KIAA1217: variants seen among roughly 807,000 people sequenced by gnomAD.
The protein encoded by KIAA1217 is sickle tail protein homolog.
In KIAA1217, 88 loss-of-function variants were observed where a neutral mutation model predicts 163.9. The observed-to-expected ratio is 0.54, with a 90% CI of 0.45 to 0.64. KIAA1217 has a LOEUF of 0.64. Ranked by LOEUF, KIAA1217 falls within the 30% of genes least tolerant of loss-of-function variation. The probability of loss-of-function intolerance (pLI) is 0.00; values close to 1 mark genes in which losing one functional copy is unlikely to be tolerated. For missense variants in KIAA1217, 2,372 were observed against 2,475.0 expected (o/e 0.96, Z 0.88); for synonymous variants, 903 against 923.1 (o/e 0.98, Z 0.39).
At chr10:23,871,898 C>T (rs982026725) in intron 1 of KIAA1217, among the ~76,000 whole-genome samples, 1 of 152,098 alleles carries the variant, frequency 6.6e-6, no homozygotes, top group Non-Finnish European at 1.5e-5. Context: ...CATAGAGTGT[C>T]ACCCACATGC....
chr10:23,844,664 G>A (rs928142159), intron 1 of KIAA1217, among the ~76,000 whole-genome samples: 16 of 150,478 alleles, frequency 1.1e-4, no homozygotes, highest in South Asian at 6.3e-4. Context: ...GCACATCAAT[G>A]TTGGAGTCCC....
chr10:24,527,433 A>C, intron 13 of KIAA1217, among the ~76,000 whole-genome samples: 1 of 148,438 alleles, frequency 6.7e-6, no homozygotes, highest in Admixed American at 6.7e-5. Flanking sequence ...CACTCAGGGC[A>C]GAAGGATTCC....
chr10:24,383,525 A>T (rs564355284), intron 3 of KIAA1217, among the ~76,000 whole-genome samples: 1 of 152,298 alleles, frequency 6.6e-6, no homozygotes, highest in East Asian at 1.9e-4. Context: ...CGCTTCTGCA[A>T]ATTGCTCCAT....
chr10:23,943,931 A>T (rs182541750), intron 1 of KIAA1217, among the ~76,000 whole-genome samples: 2 of 152,346 alleles, frequency 1.3e-5, no homozygotes, highest in Admixed American at 1.3e-4. Context: ...CATACAAATT[A>T]ATATTGGGTG....
intron 8 of KIAA1217, among the ~76,000 whole-genome samples, chr10:24,500,199 G>A (rs914099034): frequency 2.0e-4 from 30 of 151,682 alleles, no homozygotes; most frequent in African/African-American, 7.3e-4. Flanking sequence ...GTGTGTGTGT[G>A]TGTGTGTGTG....
At chr10:23,930,769 A>G (rs575442017) in intron 1 of KIAA1217, among the ~76,000 whole-genome samples, 2 of 152,254 alleles carry the variant, frequency 1.3e-5, no homozygotes, top group African/African-American at 4.8e-5. Context: ...TGATTTACAT[A>G]AGTTAACTCA....
rs750372367 is a variant in KIAA1217 at position 24,531,956 on chromosome 10, T to G, written c.3209T>G (p.Val1070Gly). The change falls in exon 15 of 21, where the codon GTG becomes GGG. Residue 1070 changes from valine (V) to glycine (G), a missense_variant. By Grantham distance (109) the Val-to-Gly change is moderately radical. Around this residue, in one of 3 missense-constraint regions of KIAA1217, gnomAD observed 1,431 missense variants for 1,470.3 expected, o/e 0.97. Coordinates refer to ENST00000376454, the MANE Select transcript of KIAA1217 (RefSeq NM_019590.5). ...SGLTTTRSGDVVYTGRKENIT... is the reference protein window; with the variant it reads ...SGLTTTRSGDGVYTGRKENIT... The stretch of plus-strand genomic sequence containing the variant: ...CTCACCACCACGAGGTCAGGCGATG[T>G]GGTCTACACCGGCAGAAAGGAGAAC... 3.8e-6 allele frequency: 6 copies of G among 1,599,176 alleles called. No individual in the cohort carries two copies. Among genetic ancestry groups the G allele is most frequent in the African/African-American group, 1.3e-5 (1 of 74,616 alleles).
At chr10:23,823,002 T>C (rs1269070046) in intron 1 of KIAA1217, among the ~76,000 whole-genome samples, 3 of 152,252 alleles carry the variant, frequency 2.0e-5, no homozygotes, top group African/African-American at 7.2e-5. Context: ...CAGGATTTAA[T>C]AGAATTTATG....
chr10:24,109,557 G>T (rs566684628), intron 2 of KIAA1217, among the ~76,000 whole-genome samples: 1 of 152,088 alleles, frequency 6.6e-6, no homozygotes, highest in African/African-American at 2.4e-5. Context: ...GGAGGGTGGG[G>T]TAGGAAGTAA....
intron 1 of KIAA1217, among the ~76,000 whole-genome samples, chr10:23,939,506 T>C (rs1843667041): frequency 6.6e-6 from 1 of 152,006 alleles, no homozygotes. Context: ...CAAGGATAAA[T>C]ATAAAACAAT....
At chr10:24,542,563 G>A (rs1016121912) in intron 17 of KIAA1217, 130 bp from the exon 18 acceptor site, 7 of 1,523,284 alleles carry the variant, frequency 4.6e-6, no homozygotes, top group African/African-American at 4.1e-5. Flanking sequence ...GTAGGCTTTG[G>A]ATTGGTGTGT....
chr10:23,970,835 C>T (rs61184721), intron 1 of KIAA1217, among the ~76,000 whole-genome samples: 3,185 of 152,228 alleles, frequency 0.021, 102 homozygotes, highest in African/African-American at 0.073. Flanking sequence ...TCGTCAGCAG[C>T]GGTAAGTCTG....
chr10:24,224,751 ATTCTGGTT>A (rs2070220139), intron 2 of KIAA1217, among the ~76,000 whole-genome samples: 1 of 150,958 alleles, frequency 6.6e-6, no homozygotes, highest in South Asian at 2.1e-4. Flanking sequence ...GCGTGATAAT[ATTCTGGTT>A]TTTAGTGTCC....
intron 1 of KIAA1217, among the ~76,000 whole-genome samples, chr10:23,697,566 G>GT (rs1320991226): frequency 6.6e-6 from 1 of 151,918 alleles, no homozygotes; most frequent in Non-Finnish European, 1.5e-5. Flanking sequence ...AGGCTTCATA[G>GT]TTTTTTAAAA....
chr10:23,930,578 G>C (rs1297304950), intron 1 of KIAA1217, among the ~76,000 whole-genome samples: 1 of 152,128 alleles, frequency 6.6e-6, no homozygotes, highest in African/African-American at 2.4e-5. Context: ...AAGATAATTG[G>C]CAGGGCCTTT....
intron 2 of KIAA1217, among the ~76,000 whole-genome samples, chr10:24,280,965 T>C (rs1590548802): frequency 6.6e-6 from 1 of 152,356 alleles, no homozygotes; most frequent in East Asian, 1.9e-4. Flanking sequence ...CAGTATTCCA[T>C]AGATGGGGAT....
intron 1 of KIAA1217, among the ~76,000 whole-genome samples, chr10:23,865,988 G>A (rs2131147105): frequency 6.6e-6 from 1 of 152,216 alleles, no homozygotes; most frequent in African/African-American, 2.4e-5. Flanking sequence ...AGCTGGCAAA[G>A]CAAATCAACA....
chr10:24,194,387 A>G (rs1473987291), intron 2 of KIAA1217, among the ~76,000 whole-genome samples: 4 of 129,108 alleles, frequency 3.1e-5, no homozygotes, highest in Non-Finnish European at 6.4e-5. Flanking sequence ...TCCCCTTGCT[A>G]TGTTGCCCAG....
chr10:24,495,228 C>T, intron 8 of KIAA1217, 32 bp downstream of exon 8: 3 of 1,585,608 alleles, frequency 1.9e-6, no homozygotes, highest in Non-Finnish European at 2.6e-6. Context: ...TGTAGGAGGC[C>T]TGTGGGCTGC....
Sources: allele counts gnomAD v4.1 joint callset (sites outside exome capture counted in the v4.1 genomes callset), GRCh38; gene constraint gnomAD v4.1.1; regional missense constraint gnomAD v4.1.1; transcripts MANE v1.5; gene names NCBI Gene and HGNC (gene_info 2026-07-23, HGNC 2026-07-21).